Variants in THAP9 observed in about 807,000 individuals in gnomAD.
THAP9 encodes DNA transposase THAP9.
A neutral mutation model predicts 35.7 loss-of-function variants in THAP9; 20 were observed. That is an observed-to-expected ratio of 0.56 (90% CI 0.39 to 0.81). The LOEUF is 0.81. Among genes scored for constraint, THAP9 ranks in the 40% least tolerant of loss-of-function variants. The probability of loss-of-function intolerance (pLI) is 0.00; values close to 1 mark genes in which losing one functional copy is unlikely to be tolerated. For missense variants in THAP9, 870 were observed against 1,047.4 expected, an observed-to-expected ratio of 0.83 and a Z score of 2.34; for synonymous variants, 335 against 373.7, an observed-to-expected ratio of 0.90 and a Z score of 1.19.
chr4:82,909,066 C>A (rs1041342036), intron 4 of THAP9, among the ~76,000 whole-genome samples: 16 of 151,814 alleles, frequency 1.1e-4, no homozygotes, highest in African/African-American at 3.4e-4. Context: ...ACCACCATAC[C>A]CGGCTAATTT....
chr4:82,904,104 G>C (rs1175417073), intron 1 of THAP9, among the ~76,000 whole-genome samples: 1 of 109,680 alleles, frequency 9.1e-6, no homozygotes, highest in African/African-American at 3.6e-5. Context: ...CACTCTTGTT[G>C]CCCAGGCTGG....
At chr4:82,914,456 T>G (rs1353714979) in intron 4 of THAP9, among the ~76,000 whole-genome samples, 1 of 152,238 alleles carries the variant, frequency 6.6e-6, no homozygotes, top group African/African-American at 2.4e-5. Context: ...AAGTAAGTTT[T>G]CCCATTTCTC....
At chr4:82,902,426 C>T (rs564932500) in intron 1 of THAP9, among the ~76,000 whole-genome samples, 46 of 152,262 alleles carry the variant, frequency 3.0e-4, no homozygotes, top group South Asian at 1.4e-3. Flanking sequence ...GGCAAACCTA[C>T]AGCACTGTTT....
At chr4:82,910,733 G>A (rs1720838182) in intron 4 of THAP9, 1 of 516,900 alleles carries the variant, frequency 1.9e-6, no homozygotes, top group Non-Finnish European at 3.5e-6. Flanking sequence ...CCAGGAGATT[G>A]TGATGGCCTG....
chr4:82,914,377 G>C (rs373675939), intron 4 of THAP9, among the ~76,000 whole-genome samples: 2 of 152,130 alleles, frequency 1.3e-5, no homozygotes, highest in South Asian at 4.2e-4. Context: ...ATCATAGTTC[G>C]CTTTTAGCCC....
chr4:82,918,351 A>T lies in THAP9; in HGVS notation c.2139A>T (p.Arg713=). 6.2e-7 allele frequency: 1 copy of T among 1,614,186 alleles called. No individual in the cohort carries two copies. Among genetic ancestry groups the T allele is most frequent in the African/African-American group, 1.3e-5 (1 of 75,060 alleles). ...TACTAGACCTGTCAGATCATAGGCG[A>T]AATCTCATCTGTTATGCTGGTTATG... The part of the protein sequence containing the change: ...EALLDLSDHR[R]NLICYAGYVA... The change falls in exon 5 of 5, where the codon CGA becomes CGT. Residue 713 remains arginine, a synonymous_variant. Transcript: ENST00000302236.
intron 4 of THAP9, among the ~76,000 whole-genome samples, chr4:82,908,491 C>G (rs958411920): frequency 6.6e-6 from 1 of 152,196 alleles, no homozygotes; most frequent in Admixed American, 6.5e-5. Flanking sequence ...AGATATAATT[C>G]TCTTAGTGTG....
In THAP9 at chr4:82,918,205, C is replaced by T. The variant is rs1721108614; in HGVS notation, c.1993C>T (p.Arg665Ter). 1.2e-6 allele frequency: 2 copies of T among 1,614,000 alleles called. No homozygotes were observed. Among genetic ancestry groups the T allele is most frequent in the African/African-American group, 2.7e-5 (2 of 74,918 alleles). Reference protein sequence around the residue: ...KVSIFDISIARRKDLALWTVQ... With the variant: ...KVSIFDISIA The stretch of plus-strand genomic sequence containing the variant: ...AAGCATCTTTGACATTTCAATTGCT[C>T]GAAGGAAAGACTTGGCGCTTTGGAC... Residue 665 changes from arginine to a stop codon, truncating the protein, a stop_gained, in exon 5 of 5, where the codon CGA becomes TGA. Transcript: ENST00000302236. LOFTEE classifies it low-confidence loss of function (END_TRUNC).
intron 4 of THAP9, among the ~76,000 whole-genome samples, chr4:82,912,605 G>GAATATGAATTGTAAATTGTGTA (rs1424370344): frequency 6.6e-6 from 1 of 152,200 alleles, no homozygotes; most frequent in Admixed American, 6.5e-5. Context: ...GACAGTTTGG[G>GAATATGAATTGTAAATTGTGTA]AATATGAATT....
chr4:82,907,941 T>A lies in THAP9; in HGVS notation c.731+6T>A. ...CATTCTTCCATCCTCAGAACGTAAG[T>A]GAATTATTTTTTTATTTTTTAAAAG... On this transcript the variant is annotated splice_donor_region_variant and intron_variant, in intron 4 of 4. Coordinates refer to ENST00000302236, the MANE Select transcript of THAP9 (RefSeq NM_024672.6). The A allele has an allele frequency of 5.6e-6, 9 of 1,604,408 alleles. No individual in the cohort carries two copies. Among genetic ancestry groups the A allele is most frequent in the Non-Finnish European group, 7.6e-6 (9 of 1,177,472 alleles).
At position 82,918,358 on chromosome 4, in the gene THAP9, ATC is replaced by A; in HGVS notation, c.2148_2149del (p.Ile716MetfsTer17). The A allele has an allele frequency of 1.2e-6, 2 of 1,607,172 alleles. No homozygotes were observed. Among genetic ancestry groups the A allele is most frequent in the South Asian group, 2.2e-5 (2 of 90,958 alleles). ...CCTGTCAGATCATAGGCGAAATCTC[ATC>A]TGTTATGCTGGTTATGTTGCAAACA... is the stretch of plus-strand genomic sequence containing the variant. ...LDLSDHRRNL[I>X]CYAGYVANKL... On this transcript the variant is annotated frameshift_variant, in exon 5 of 5. Coordinates refer to ENST00000302236, the MANE Select transcript of THAP9 (RefSeq NM_024672.6). LOFTEE classifies it high-confidence loss of function.
In THAP9 at chr4:82,917,068, C is replaced by T. The variant is rs1345228777; in HGVS notation, c.856C>T (p.Leu286Phe). 6.2e-7 allele frequency: 1 copy of T among 1,613,494 alleles called. No individual in the cohort carries two copies. Among genetic ancestry groups the T allele is most frequent in the South Asian group, 1.1e-5 (1 of 91,014 alleles). Residue 286 changes from leucine (L) to phenylalanine (F), a missense_variant, in exon 5 of 5, where the codon CTC becomes TTC. Leu to Phe is a conservative substitution (Grantham distance 22). Transcript: ENST00000302236. ...TTCATTGTTAATAAAAAGTATGCCT[C>T]TCAAGCAACAGCTTCAGTGGGATCC... ...YCSLLIKSMP[L>F]KQQLQWDPSS...
At position 82,916,968 on chromosome 4, in the gene THAP9, TC is replaced by T; in HGVS notation, c.758del (p.Pro253GlnfsTer15). 1.3e-6 allele frequency: 2 copies of T among 1,534,622 alleles called. No individual in the cohort carries two copies. The highest frequency in any genetic ancestry group is 1.7e-6 in the Non-Finnish European group (2 of 1,143,438). On this transcript the variant is annotated frameshift_variant, in exon 5 of 5. Coordinates refer to ENST00000302236, the MANE Select transcript of THAP9 (RefSeq NM_024672.6). LOFTEE classifies it low-confidence loss of function (END_TRUNC). ...GGTGGTTATCCAAATGCCAACCCAGTCCAGGTTTCAACAGCAACATTTTTTC... is the reference window on the plus strand; with the variant it reads ...GGTGGTTATCCAAATGCCAACCCAGTCAGGTTTCAACAGCAACATTTTTTC... ...RTWLSKCQPS[P>X]GFNSNIFSFL... is the part of the protein sequence containing the mutation.
chr4:82,918,585 T>G lies in THAP9; in HGVS notation c.2373T>G (p.Val791=). 6.2e-7 allele frequency: 1 copy of G among 1,614,076 alleles called. No homozygotes were observed. Among genetic ancestry groups the G allele is most frequent in the Non-Finnish European group, 8.5e-7 (1 of 1,179,968 alleles). ...THSRMAIFEL[V]SKQRELYLQQ... ...CAAGAATGGCAATTTTTGAACTAGT[T>G]TCTAAACAAAGGGAATTGTATCTTC... Residue 791 remains valine (V), a synonymous_variant, in exon 5 of 5, where the codon GTT becomes GTG. Transcript: ENST00000302236.
chr4:82,918,935 A>G lies in THAP9; in HGVS notation c.*11A>G. On this transcript the variant is annotated 3_prime_UTR_variant, in exon 5 of 5. Transcript: ENST00000302236. Reference sequence around the variant, plus strand: ...TATCCATTCAAATGAGAGACCTAAAATATATTAACATTTTAATTAAGAATA... The same window carrying G: ...TATCCATTCAAATGAGAGACCTAAAGTATATTAACATTTTAATTAAGAATA... The G allele has an allele frequency of 6.6e-7, 1 of 1,522,428 alleles. No individual in the cohort carries two copies. Among genetic ancestry groups the G allele is most frequent in the Non-Finnish European group, 8.8e-7 (1 of 1,132,138 alleles). The allele number at this position is 1,522,428 out of a possible 1,614,324, so 94.3% of individuals were successfully genotyped here. A position where few individuals can be genotyped will look rare whatever the true frequency, so the allele number is the denominator to read the frequency against.
rs755426442 is a variant in THAP9, at chr4:82,906,584, A to G, written c.537A>G (p.Leu179=). 13 of 1,610,342 alleles carry G rather than the reference A, an allele frequency of 8.1e-6. No homozygotes were observed. The highest frequency in any genetic ancestry group is 1.7e-4 in the Middle Eastern group (1 of 6,036). Residue 179 remains leucine, a synonymous_variant, in exon 3 of 5, where the codon CTA becomes CTG. Coordinates refer to ENST00000302236, the MANE Select transcript of THAP9 (RefSeq NM_024672.6). ...RLIDALVEEK[L]LSEETECLLR... ...TTGATGCACTTGTAGAAGAGAAACT[A>G]CTTTCTGAAGAAACAGAGTGTCTGC...
rs529415435 is a variant in THAP9 at position 82,901,251 on chromosome 4, G to A, written c.80+369G>A. ...TGGCGTCTTCCTGAGCACGAGTACAGATCAGTTTTCTCCTGTACTGCCTGA... is the reference window on the plus strand; with the variant it reads ...TGGCGTCTTCCTGAGCACGAGTACAAATCAGTTTTCTCCTGTACTGCCTGA... On this transcript the variant is annotated intron_variant, in intron 1 of 4. Transcript: ENST00000302236. 91 of 489,344 alleles carry A rather than the reference G, an allele frequency of 1.9e-4. 1 individual carries two copies. Among genetic ancestry groups the A allele is most frequent in the South Asian group, 1.4e-3 (89 of 63,182 alleles). 30.3% of individuals were successfully genotyped at this position (489,344 alleles called of 1,614,324 possible).
intron 4 of THAP9, chr4:82,913,160 A>G (rs1240789629): frequency 6.6e-6 from 1 of 152,178 alleles, no homozygotes; most frequent in African/African-American, 2.4e-5. Context: ...ATTCTAACTC[A>G]TGAACTTGGT....
At position 82,917,428 on chromosome 4, in the gene THAP9, A is replaced by G; in HGVS notation, c.1216A>G (p.Ser406Gly). 9.9e-6 allele frequency: 16 copies of G among 1,614,066 alleles called. No homozygotes were observed. Among genetic ancestry groups the G allele is most frequent in the South Asian group, 2.2e-5 (2 of 91,078 alleles). The change falls in exon 5 of 5, where the codon AGT becomes GGT. Residue 406 changes from serine (S) to glycine (G), a missense_variant. Around this residue, in one of 3 missense-constraint regions of THAP9, gnomAD observed 440 missense variants for 501.2 expected, o/e 0.88. Coordinates refer to ENST00000302236, the MANE Select transcript of THAP9 (RefSeq NM_024672.6). ...KCTFQHPSSS[S>G]QQIAYFFDSC... ...TACATTTCAGCATCCTTCATCTTCTAGTCAACAGATTGCATACTTCTTTGA... is the reference window on the plus strand; with the variant it reads ...TACATTTCAGCATCCTTCATCTTCTGGTCAACAGATTGCATACTTCTTTGA...
Sources: gnomAD v4.1 joint callset for allele counts (sites outside exome capture counted in the v4.1 genomes callset) on GRCh38, gnomAD v4.1.1 for gene constraint, gnomAD v4.1.1 regional missense constraint, MANE v1.5 for transcripts, NCBI Gene and HGNC (gene_info 2026-07-23, HGNC 2026-07-21) for gene names.